PKHD1: variants seen among roughly 807,000 people sequenced by gnomAD.
The protein encoded by PKHD1 is fibrocystin.
In PKHD1, 291 loss-of-function variants were observed where a neutral mutation model predicts 412.0. That is an observed-to-expected ratio of 0.71 (90% confidence interval 0.64 to 0.78). The LOEUF is 0.78. PKHD1 is among the 30% of genes least tolerant of loss of function. PKHD1 has a pLI of 0.00. For synonymous variants in PKHD1, 1,777 were observed against 1,821.5 expected, an observed-to-expected ratio of 0.98 and a Z score of 0.62; for missense variants, 4,825 against 4,950.7, an observed-to-expected ratio of 0.97 and a Z score of 0.76.
At chr6:51,656,714 G>A (rs1232508468) in intron 61 of PKHD1, among the ~76,000 whole-genome samples, 4 of 148,008 alleles carry the variant, frequency 2.7e-5, no homozygotes, top group African/African-American at 9.9e-5. Flanking sequence ...AGGCTGGTGT[G>A]TAGTGGCATA....
In PKHD1 at chr6:51,742,180, A is replaced by C. The variant is rs952904456; in HGVS notation, c.10156+2205T>G. On this transcript the variant is annotated intron_variant, in intron 60 of 66. Coordinates refer to ENST00000371117, the MANE Select transcript of PKHD1 (RefSeq NM_138694.4). Reference sequence around the variant, plus strand: ...CAGTATAAATGTGTCCCTGAATTTCATTCTTCTGTGCAAAAAATATATTTG... The same window carrying C: ...CAGTATAAATGTGTCCCTGAATTTCCTTCTTCTGTGCAAAAAATATATTTG... 4.6e-5 allele frequency among the ~76,000 whole-genome samples: 7 copies of C among 152,266 alleles called. No homozygotes were observed. The East Asian group carries it at 1.4e-3, about 29-fold the overall frequency.
At position 52,016,505 on chromosome 6, in the gene PKHD1, A is replaced by G. The variant is rs147345075; in HGVS notation, c.5600+905T>C. On this transcript the variant is annotated intron_variant, in intron 34 of 66. Coordinates refer to ENST00000371117, the MANE Select transcript of PKHD1 (RefSeq NM_138694.4). ...ACAAAAATTAGCTGGGCGTGGTGGT[A>G]TATACCTGCAATCCCAGCTACTGGG... Among the ~76,000 whole-genome samples the G allele has an allele frequency of 6.7e-3, 1,014 of 152,028 alleles. 8 individuals are homozygous for G. Among genetic ancestry groups the G allele is most frequent in the African/African-American group, 0.022 (933 of 41,476 alleles).
intron 22 of PKHD1, among the ~76,000 whole-genome samples, chr6:52,048,928 C>A (rs1806305940): frequency 6.6e-6 from 1 of 152,172 alleles, no homozygotes; most frequent in Non-Finnish European, 1.5e-5. Context: ...TATTGCTTTT[C>A]CTGCCCAGAG....
intron 12 of PKHD1, 74 bp downstream of exon 12, chr6:52,065,902 C>T (rs995723148): frequency 1.2e-6 from 1 of 805,044 alleles, no homozygotes; most frequent in South Asian, 1.4e-5. Flanking sequence ...CTGCATCCCT[C>T]ATGCCATACA....
chr6:51,889,396 G>A (rs1236950442), intron 43 of PKHD1, among the ~76,000 whole-genome samples: 2 of 152,166 alleles, frequency 1.3e-5, no homozygotes, highest in Non-Finnish European at 2.9e-5. Flanking sequence ...GCATCCCCTT[G>A]GAACAGTTTC....
chr6:51,881,715 G>A (rs1036008758), intron 46 of PKHD1, among the ~76,000 whole-genome samples: 1 of 152,142 alleles, frequency 6.6e-6, no homozygotes, highest in African/African-American at 2.4e-5. Flanking sequence ...AAGTTTCCAA[G>A]CCTCCATTTT....
chr6:51,635,101 T>C (rs946773793), intron 64 of PKHD1, among the ~76,000 whole-genome samples: 1 of 152,028 alleles, frequency 6.6e-6, no homozygotes, highest in African/African-American at 2.4e-5. Flanking sequence ...TAATTTTTTG[T>C]TAATGTATTG....
intron 24 of PKHD1, among the ~76,000 whole-genome samples, chr6:52,045,429 A>G (rs1805644200): frequency 6.6e-6 from 1 of 152,226 alleles, no homozygotes; most frequent in South Asian, 2.1e-4. Context: ...AAACAGTGCC[A>G]TGAGATAAGA....
chr6:51,896,419 G>A (rs969373461), intron 43 of PKHD1, among the ~76,000 whole-genome samples: 158 of 152,004 alleles, frequency 1.0e-3, no homozygotes, highest in African/African-American at 3.4e-3. Flanking sequence ...CACCTCACAC[G>A]GCAGGGTACT....
rs370436973 is a variant in PKHD1, at chr6:52,046,132, C to T, written c.2464G>A (p.Asp822Asn). The T allele has an allele frequency of 9.9e-6, 16 of 1,613,296 alleles. No homozygotes were observed. Among genetic ancestry groups the T allele is most frequent in the African/African-American group, 4.0e-5 (3 of 74,858 alleles). Residue 822 changes from aspartate to asparagine, a missense_variant, in exon 24 of 67, where the codon GAT becomes AAT. By Grantham distance (23) the Asp-to-Asn change is conservative (BLOSUM62 1). Coordinates refer to ENST00000371117, the MANE Select transcript of PKHD1 (RefSeq NM_138694.4). ...TTGAGGTACCTGGATGTGAAGTCAT[C>T]GGCATTATTCTGTAAGAGCTGGTGA... The part of the protein sequence containing the change: ...HLHQLLQNNA[D>N]DFTSRYLNAS...
At chr6:51,959,608 T>C (rs918388929) in intron 36 of PKHD1, among the ~76,000 whole-genome samples, 4 of 152,108 alleles carry the variant, frequency 2.6e-5, no homozygotes, top group Non-Finnish European at 5.9e-5. Context: ...TAAAGAAGCA[T>C]ATTCTTTGAG....
chr6:51,983,300 G>A (rs1271549919), intron 35 of PKHD1, among the ~76,000 whole-genome samples: 2 of 152,178 alleles, frequency 1.3e-5, no homozygotes, highest in Non-Finnish European at 2.9e-5. Flanking sequence ...ATTTTAATCT[G>A]AAACATCATT....
chr6:52,006,426 G>A (rs1459596363), intron 35 of PKHD1, among the ~76,000 whole-genome samples: 2 of 151,916 alleles, frequency 1.3e-5, no homozygotes, highest in African/African-American at 4.8e-5. Context: ...ACCCAGGCTG[G>A]AGCACATTCG....
intron 60 of PKHD1, among the ~76,000 whole-genome samples, chr6:51,684,437 G>A (rs957672117): frequency 2.0e-5 from 3 of 152,106 alleles, no homozygotes; most frequent in Non-Finnish European, 2.9e-5. Context: ...AGTACATACA[G>A]AGAGGCAATG....
At position 52,022,829 on chromosome 6, in the gene PKHD1, G is replaced by A. The variant is rs1370419537; in HGVS notation, c.5352C>T (p.Ala1784=). ...CCAGGGGCAGAACCAAGCAGCTGAA[G>A]GCAGACACTGTAGCATTAGCCAGGA... The part of the protein sequence containing the change: ...CRVLANATVS[A]FSCLVLPLDV... The change falls in exon 33 of 67, where the codon GCC becomes GCT. Residue 1784 remains alanine (A), a synonymous_variant. Transcript: ENST00000371117. 3 of 1,614,092 alleles carry A rather than the reference G, an allele frequency of 1.9e-6. No individual in the cohort carries two copies. Among genetic ancestry groups the A allele is most frequent in the South Asian group, 2.2e-5 (2 of 91,082 alleles).
At chr6:51,874,150 C>T (rs551233799) in intron 46 of PKHD1, among the ~76,000 whole-genome samples, 8 of 152,306 alleles carry the variant, frequency 5.3e-5, no homozygotes, top group African/African-American at 1.7e-4. Context: ...GCAACTCCAT[C>T]AGCATCTGTC....
intron 61 of PKHD1, among the ~76,000 whole-genome samples, chr6:51,650,632 C>A (rs1049771468): frequency 1.3e-5 from 2 of 152,014 alleles, no homozygotes; most frequent in African/African-American, 2.4e-5. Flanking sequence ...AGTGGAAGAG[C>A]AAATACAATG....
At chr6:51,897,049 A>G (rs1780183645) in intron 43 of PKHD1, among the ~76,000 whole-genome samples, 1 of 151,100 alleles carries the variant, frequency 6.6e-6, no homozygotes, top group South Asian at 2.1e-4. Flanking sequence ...GGTGTACCTG[A>G]AAGTGATGGG....
chr6:51,838,177 T>C (rs1418066086), intron 50 of PKHD1, among the ~76,000 whole-genome samples: 2 of 152,238 alleles, frequency 1.3e-5, no homozygotes, highest in East Asian at 3.8e-4. Context: ...CTCAATTTAA[T>C]AAATATTTAT....
Sources: allele counts gnomAD v4.1 joint callset (sites outside exome capture counted in the v4.1 genomes callset), GRCh38; gene constraint gnomAD v4.1.1; transcripts MANE v1.5; gene names NCBI Gene and HGNC (gene_info 2026-07-23, HGNC 2026-07-21).